The following NTNG1 variants were observed in gnomAD, a reference collection of about 807,000 sequenced individuals.
NTNG1 encodes netrin G1, also known as netrin-G1.
NTNG1 carries 16 observed loss-of-function variants against 54.0 expected under a neutral mutation model. The observed-to-expected ratio is 0.30, with a 90% CI of 0.20 to 0.45. The LOEUF is 0.45. NTNG1 is among the 20% of genes least tolerant of loss of function. The pLI is 1.00. For synonymous variants in NTNG1, 255 were observed against 263.1 expected, an observed-to-expected ratio of 0.97 and a Z score of 0.30; for missense variants, 530 against 678.7, an observed-to-expected ratio of 0.78 and a Z score of 2.43.
At chr1:107,426,587 G>A (rs1040026253) in intron 5 of NTNG1, among the ~76,000 whole-genome samples, 1 of 152,030 alleles carries the variant, frequency 6.6e-6, no homozygotes, top group African/African-American at 2.4e-5. Flanking sequence ...AGTATAATTT[G>A]AAGTCAGGAA....
Position 107,293,499 on chromosome 1 carries a change from A to G in NTNG1, c.247-30783A>G, listed in dbSNP as rs187298368. ...TAATACAGCCTTAAAATTGGAAAGT[A>G]TGTGCCTATTAAAAATGTTGTTTAT... On this transcript the variant is annotated intron_variant, in intron 2 of 7. Transcript: ENST00000370068. Among the ~76,000 whole-genome samples, 298 of 152,316 alleles carry G rather than the reference A, an allele frequency of 2.0e-3. 4 individuals carry two copies. Among genetic ancestry groups the G allele is most frequent in the Admixed American group, 0.017 (259 of 15,298 alleles).
At chr1:107,236,667 C>T (rs1234418185) in intron 2 of NTNG1, among the ~76,000 whole-genome samples, 4 of 152,294 alleles carry the variant, frequency 2.6e-5, no homozygotes, top group Non-Finnish European at 5.9e-5. Flanking sequence ...GTAATTGACT[C>T]ATGTGGGCAG....
chr1:107,143,983 A>G (rs768620978), intron 1 of NTNG1, among the ~76,000 whole-genome samples: 6 of 152,128 alleles, frequency 3.9e-5, no homozygotes, highest in African/African-American at 1.4e-4. Flanking sequence ...ACAGTTGCTC[A>G]TAATACCCAA....
chr1:107,245,947 T>C (rs1662168487), intron 2 of NTNG1, among the ~76,000 whole-genome samples: 1 of 152,248 alleles, frequency 6.6e-6, no homozygotes, highest in Non-Finnish European at 1.5e-5. Flanking sequence ...AATTCTCTTA[T>C]TAAAACAAAA....
At chr1:107,347,577 A>G (rs1429106532) in intron 3 of NTNG1, among the ~76,000 whole-genome samples, 1 of 152,204 alleles carries the variant, frequency 6.6e-6, no homozygotes, top group South Asian at 2.1e-4. Context: ...GAATTAGCAT[A>G]TAGTGTGCTG....
chr1:107,432,350 G>A (rs1172481321), intron 6 of NTNG1, among the ~76,000 whole-genome samples: 1 of 152,122 alleles, frequency 6.6e-6, no homozygotes, highest in Non-Finnish European at 1.5e-5. Context: ...GAAAAGTAAG[G>A]CAGATTGACC....
intron 2 of NTNG1, among the ~76,000 whole-genome samples, chr1:107,160,403 A>G (rs919286053): frequency 1.1e-4 from 16 of 152,146 alleles, no homozygotes; most frequent in African/African-American, 3.9e-4. Context: ...CACTGCCAAC[A>G]GCCAGGTCTC....
At chr1:107,399,857 C>T (rs1672905327) in intron 4 of NTNG1, among the ~76,000 whole-genome samples, 1 of 152,096 alleles carries the variant, frequency 6.6e-6, no homozygotes, top group African/African-American at 2.4e-5. Flanking sequence ...ATTTCAATGC[C>T]TATTTGAACA....
chr1:107,384,749 C>T lies in NTNG1; in HGVS notation c.888-10405C>T, dbSNP rs940469976. Among the ~76,000 whole-genome samples, 3 of 152,266 alleles carry T rather than the reference C, an allele frequency of 2.0e-5. No homozygotes were observed. The South Asian group carries it at 6.2e-4, about 32-fold the overall frequency. On this transcript the variant is annotated intron_variant, in intron 3 of 7. Coordinates refer to ENST00000370068, the MANE Select transcript of NTNG1 (RefSeq NM_001113226.3). ...AGAGGCTGCCTAGAGCCCTAATGCC[C>T]CTTCTTTCATGTATGCTTCTCCTAT...
chr1:107,246,086 C>T (rs2101598475), intron 2 of NTNG1, among the ~76,000 whole-genome samples: 1 of 152,160 alleles, frequency 6.6e-6, no homozygotes, highest in African/African-American at 2.4e-5. Flanking sequence ...GAGTCTTGCT[C>T]TGTTGCCCAG....
At chr1:107,308,922 T>C (rs942191704) in intron 2 of NTNG1, among the ~76,000 whole-genome samples, 2 of 152,218 alleles carry the variant, frequency 1.3e-5, no homozygotes, top group African/African-American at 4.8e-5. Context: ...CGTACCTGAT[T>C]GGGCTCTTTG....
chr1:107,195,102 A>G (rs1190632715), intron 2 of NTNG1, among the ~76,000 whole-genome samples: 1 of 152,020 alleles, frequency 6.6e-6, no homozygotes, highest in East Asian at 1.9e-4. Flanking sequence ...GTAATGAAAA[A>G]TGCATGCATT....
At position 107,449,359 on chromosome 1, in the gene NTNG1, G is replaced by A. The variant is rs145838992; in HGVS notation, c.1390+12560G>A. 3.0e-3 allele frequency among the ~76,000 whole-genome samples: 462 copies of A among 152,122 alleles called. 6 individuals carry two copies. The highest frequency in any genetic ancestry group is 0.011 in the African/African-American group (448 of 41,532). On this transcript the variant is annotated intron_variant, in intron 7 of 7. Coordinates refer to ENST00000370068, the MANE Select transcript of NTNG1 (RefSeq NM_001113226.3). Reference sequence around the variant, plus strand: ...CTCTGGGGGTGGGCTCCAGGCATCTGTATTTTACAAAACTCCCTAGGTGAG... The same window carrying A: ...CTCTGGGGGTGGGCTCCAGGCATCTATATTTTACAAAACTCCCTAGGTGAG...
intron 2 of NTNG1, among the ~76,000 whole-genome samples, chr1:107,283,105 G>T (rs1026863311): frequency 2.6e-5 from 4 of 152,064 alleles, no homozygotes; most frequent in African/African-American, 7.2e-5. Flanking sequence ...TATAAACTTT[G>T]CAGGGACACA....
chr1:107,423,186 A>G lies in NTNG1; in HGVS notation c.1088-7564A>G, dbSNP rs1230019702. Among the ~76,000 whole-genome samples the G allele has an allele frequency of 6.6e-5, 10 of 152,050 alleles. No individual in the cohort carries two copies. In the East Asian group the frequency reaches 1.9e-3, roughly 29 times the overall value. On this transcript the variant is annotated intron_variant, in intron 5 of 7. Transcript: ENST00000370068. ...AAGTACTTTATCACAACTGCCTTCT[A>G]TGTTTCAATATATCATATATATTAC...
At chr1:107,298,913 G>A (rs1220191886) in intron 2 of NTNG1, among the ~76,000 whole-genome samples, 1 of 152,188 alleles carries the variant, frequency 6.6e-6, no homozygotes, top group South Asian at 2.1e-4. Flanking sequence ...TTACAAAATG[G>A]TGTTAGCAGC....
chr1:107,151,110 A>G (rs974561477), intron 2 of NTNG1, among the ~76,000 whole-genome samples: 3 of 152,212 alleles, frequency 2.0e-5, no homozygotes, highest in African/African-American at 4.8e-5. Context: ...TTACCTATCA[A>G]TGCTTAATTT....
At chr1:107,403,777 G>A (rs1314959115) in intron 4 of NTNG1, 2 of 154,060 alleles carry the variant, frequency 1.3e-5, no homozygotes, top group African/African-American at 2.4e-5. Context: ...CTCACACAGG[G>A]ACTAGAAGTT....
At chr1:107,421,089 C>T (rs1041182391) in intron 5 of NTNG1, 7 of 1,608,062 alleles carry the variant, frequency 4.4e-6, no homozygotes, top group African/African-American at 4.0e-5. Flanking sequence ...TCCAGTTGCT[C>T]CCAAATTAGC....
Sources: allele counts gnomAD v4.1 joint callset (sites outside exome capture counted in the v4.1 genomes callset), GRCh38; gene constraint gnomAD v4.1.1; transcripts MANE v1.5; gene names NCBI Gene and HGNC (gene_info 2026-07-23, HGNC 2026-07-21).